IGDCC4: variants seen among roughly 807,000 people sequenced by gnomAD.
IGDCC4 encodes the protein likely ortholog of mouse neighbor of Punc E11.
In IGDCC4, 72 loss-of-function variants were observed where a neutral mutation model predicts 116.6. The ratio of observed to expected loss-of-function variants is 0.62; its 90% CI spans 0.51 to 0.75. The LOEUF is 0.75. Ranked by LOEUF, IGDCC4 falls within the 30% of genes least tolerant of loss-of-function variation. The pLI, the probability that IGDCC4 is intolerant of heterozygous loss-of-function variation, is 0.00. For missense variants in IGDCC4, 1,501 were observed against 1,662.4 expected, an observed-to-expected ratio of 0.90 and a Z score of 1.69; for synonymous variants, 709 against 719.9, an observed-to-expected ratio of 0.98 and a Z score of 0.24.
At chr15:65,416,428 C>T (rs753723315) in intron 1 of IGDCC4, among the ~76,000 whole-genome samples, 16 of 152,260 alleles carry the variant, frequency 1.1e-4, no homozygotes, top group Non-Finnish European at 1.9e-4. Context: ...TGAGCCACCG[C>T]GCCCGGCCAA....
At chr15:65,385,253 G>C in intron 18 of IGDCC4, 138 bp from the exon 19 acceptor site, 5 of 908,944 alleles carry the variant, frequency 5.5e-6, no homozygotes, top group Non-Finnish European at 8.0e-6. Context: ...CCTCTCCAAG[G>C]CTCTGGGGAG....
chr15:65,417,031 G>A (rs545375787), intron 1 of IGDCC4, among the ~76,000 whole-genome samples: 52 of 152,302 alleles, frequency 3.4e-4, no homozygotes, highest in African/African-American at 1.2e-3. Flanking sequence ...GGCCAAGATG[G>A]CTCCTTTATT....
At chr15:65,396,340 T>G in intron 6 of IGDCC4, 177 bp from the exon 7 acceptor site, 1 of 722,884 alleles carries the variant, frequency 1.4e-6, no homozygotes, top group Non-Finnish European at 2.4e-6. Context: ...CTACCCTTTC[T>G]TCTCCCCATT....
At chr15:65,388,660 A>C in intron 15 of IGDCC4, 74 bp from the exon 16 acceptor site, 1 of 1,604,850 alleles carries the variant, frequency 6.2e-7, no homozygotes, top group Non-Finnish European at 8.5e-7. Flanking sequence ...CAGGGAGGGG[A>C]CTGGGAGAGT....
Position 65,388,914 on chromosome 15 carries a change from G to C in IGDCC4, c.2601C>G (p.His867Gln). 1.2e-6 allele frequency: 2 copies of C among 1,613,726 alleles called. No homozygotes were observed. The change falls in exon 15 of 20, where the codon CAC (histidine) becomes CAG (glutamine). Residue 867 changes from histidine to glutamine, a missense_variant. Physicochemically the swap from His to Gln is conservative, Grantham distance 24. This residue lies in a region of IGDCC4 where 235 missense variants were observed against 328.0 expected (regional missense o/e 0.72). Transcript: ENST00000352385. ...CGTTGGGCTCTGTGGGGGGGCACCA[G>C]TGCAGCCGAACCGTGGACGGTGTCA... ...SPLTPSTVRL[H>Q]WCPPTEPNGE...
intron 12 of IGDCC4, 56 bp downstream of exon 12, chr15:65,391,824 C>G: frequency 1.3e-6 from 2 of 1,483,474 alleles, no homozygotes; most frequent in Non-Finnish European, 1.9e-6. Context: ...GAAGAGGAAG[C>G]GGCTAGCAGA....
In IGDCC4 at chr15:65,411,292, T is replaced by C. The variant is rs770752965; in HGVS notation, c.149A>G (p.Glu50Gly). 40 of 1,612,488 alleles carry C rather than the reference T, an allele frequency of 2.5e-5. No individual in the cohort carries two copies. Among genetic ancestry groups the C allele is most frequent in the Admixed American group, 5.0e-5 (3 of 59,910 alleles). ...GCTACAGTTTAGCACTGCAGCCTGCTCTGGGCCCAGGATCACTTGCAGTGG... is the reference window on the plus strand; with the variant it reads ...GCTACAGTTTAGCACTGCAGCCTGCCCTGGGCCCAGGATCACTTGCAGTGG... The part of the protein sequence containing the change: ...VGPLQVILGP[E>G]QAAVLNCSLG... Residue 50 changes from glutamate (E) to glycine (G), a missense_variant, in exon 2 of 20, where the codon GAG (glutamate) becomes GGG (glycine). By Grantham distance (98) the Glu-to-Gly change is moderately conservative (BLOSUM62 -2). Coordinates refer to ENST00000352385, the MANE Select transcript of IGDCC4 (RefSeq NM_020962.3).
Position 65,386,543 on chromosome 15 carries a change from C to T in IGDCC4, c.2951+8G>A, listed in dbSNP as rs927894365. On this transcript the variant is annotated splice_region_variant and intron_variant, in intron 17 of 19. Coordinates refer to ENST00000352385, the MANE Select transcript of IGDCC4 (RefSeq NM_020962.3). ...CTTCCCTGAAGTCAGACTGGCTCCC[C>T]TGCTCACCTGTGGGGGCTGCGGCGC... 90 of 1,590,316 alleles carry T rather than the reference C, an allele frequency of 5.7e-5. 1 individual carries two copies. The highest frequency in any genetic ancestry group is 7.7e-5 in the Non-Finnish European group (90 of 1,171,712).
At position 65,390,282 on chromosome 15, in the gene IGDCC4, T is replaced by C. The variant is rs2091501792; in HGVS notation, c.2281A>G (p.Asn761Asp). Reference protein sequence around the residue: ...LPPAHVHAESNSSTSIWLRWK... With the variant: ...LPPAHVHAESDSSTSIWLRWK... Reference sequence around the variant, plus strand: ...CGAAGCCAGATGGATGTGGAGCTGTTTGATTCCGCATGGACGTGGGCTGGA... The same window carrying C: ...CGAAGCCAGATGGATGTGGAGCTGTCTGATTCCGCATGGACGTGGGCTGGA... Residue 761 changes from asparagine to aspartate, a missense_variant, in exon 13 of 20, where the codon AAC becomes GAC. Physicochemically the swap from Asn to Asp is conservative, Grantham distance 23. This residue lies in a region of IGDCC4 where 235 missense variants were observed against 328.0 expected (regional missense o/e 0.72). Transcript: ENST00000352385. 6.2e-7 allele frequency: 1 copy of C among 1,613,132 alleles called. No individual in the cohort carries two copies. Among genetic ancestry groups the C allele is most frequent in the Non-Finnish European group, 8.5e-7 (1 of 1,179,246 alleles).
intron 17 of IGDCC4, 74 bp downstream of exon 17, chr15:65,386,477 T>A (rs1278146233): frequency 7.6e-7 from 1 of 1,323,962 alleles, no homozygotes; most frequent in African/African-American, 1.4e-5. Context: ...CATGGCCACT[T>A]TCCCTGATGG....
Position 65,410,174 on chromosome 15 carries a change from T to C in IGDCC4, c.563+4A>G. The C allele has an allele frequency of 6.2e-7, 1 of 1,612,426 alleles. No individual in the cohort carries two copies. On this transcript the variant is annotated splice_donor_region_variant and intron_variant, in intron 3 of 19. Transcript: ENST00000352385. Reference sequence around the variant, plus strand: ...CAGGACCCGCTCCCCTACAGGGCACTCACCGAGGCTCCTCAGGCAATGTCA... The same window carrying C: ...CAGGACCCGCTCCCCTACAGGGCACCCACCGAGGCTCCTCAGGCAATGTCA...
chr15:65,399,447 C>CAAAAAAAAAAAAAAAAAAAA (rs112040935), intron 5 of IGDCC4, among the ~76,000 whole-genome samples: 1 of 71,182 alleles, frequency 1.4e-5, no homozygotes, highest in Non-Finnish European at 3.3e-5. Context: ...GGGTGACAGG[C>CAAAAAAAAAAAAAAAAAAAA]AAAAAAAAAA....
At chr15:65,415,160 C>A (rs1237777655) in intron 1 of IGDCC4, among the ~76,000 whole-genome samples, 1 of 152,202 alleles carries the variant, frequency 6.6e-6, no homozygotes, top group East Asian at 1.9e-4. Context: ...TCCAAATGCC[C>A]ATTCCAGCCA....
At chr15:65,410,154 C>T (rs1211025920) in intron 3 of IGDCC4, 24 bp downstream of exon 3, 8 of 1,610,978 alleles carry the variant, frequency 5.0e-6, no homozygotes, top group Non-Finnish European at 5.1e-6. Context: ...CCTACCAGGA[C>T]CCGCTCCCCT....
chr15:65,396,728 A>G, intron 6 of IGDCC4, 106 bp downstream of exon 6: 2 of 1,404,674 alleles, frequency 1.4e-6, no homozygotes, highest in African/African-American at 2.8e-5. Context: ...TTCGTCCTCC[A>G]GGAGAGCGCC....
intron 1 of IGDCC4, among the ~76,000 whole-genome samples, chr15:65,414,334 C>T (rs564846778): frequency 8.1e-4 from 123 of 152,334 alleles, no homozygotes; most frequent in Non-Finnish European, 1.3e-3. Flanking sequence ...GCAGTACTCG[C>T]GGGCTCAGCA....
At chr15:65,399,762 T>A (rs2062966899) in intron 5 of IGDCC4, among the ~76,000 whole-genome samples, 1 of 152,226 alleles carries the variant, frequency 6.6e-6, no homozygotes, top group Non-Finnish European at 1.5e-5. Flanking sequence ...TTATTTTCTT[T>A]AAACTATATA....
At position 65,392,371 on chromosome 15, in the gene IGDCC4, C is replaced by CT. The variant is rs1595779553; in HGVS notation, c.1886-2dup. 6.6e-7 allele frequency: 1 copy of CT among 1,512,524 alleles called. No individual in the cohort carries two copies. The allele number at this position is 1,512,524 out of a possible 1,614,324, so 93.7% of individuals were successfully genotyped here. A position where few individuals can be genotyped will look rare whatever the true frequency, so the allele number is the denominator to read the frequency against. On this transcript the variant is annotated splice_acceptor_variant, in intron 10 of 19. Coordinates refer to ENST00000352385, the MANE Select transcript of IGDCC4 (RefSeq NM_020962.3). LOFTEE classifies it high-confidence loss of function. Reference sequence around the variant, plus strand: ...TTCAACTCTGCAGGGGCAAAAGGGACTGGGGGGCAGAGGAGCAGGATGGGA... The same window carrying CT: ...TTCAACTCTGCAGGGGCAAAAGGGACTTGGGGGGCAGAGGAGCAGGATGGGA...
intron 1 of IGDCC4, among the ~76,000 whole-genome samples, chr15:65,414,475 A>G (rs1474342041): frequency 6.6e-6 from 1 of 152,248 alleles, no homozygotes; most frequent in Non-Finnish European, 1.5e-5. Flanking sequence ...TCAAGGTTTC[A>G]GTCTTGCTGC....
Sources: allele counts gnomAD v4.1 joint callset (sites outside exome capture counted in the v4.1 genomes callset), GRCh38; gene constraint gnomAD v4.1.1; regional missense constraint gnomAD v4.1.1; transcripts MANE v1.5; gene names NCBI Gene and HGNC (gene_info 2026-07-23, HGNC 2026-07-21).